The following DNAJC13 variants were observed in gnomAD, a reference collection of about 807,000 sequenced individuals.
DNAJC13 encodes the protein dnaJ homolog subfamily C member 13.
A neutral mutation model predicts 290.5 loss-of-function variants in DNAJC13; 75 were observed. That is an observed-to-expected ratio of 0.26 (90% CI 0.21 to 0.31). DNAJC13 has a LOEUF of 0.31. Among genes scored for constraint, DNAJC13 ranks in the 10% least tolerant of loss-of-function variants. The pLI is 1.00. For missense variants in DNAJC13, 2,260 were observed against 2,674.5 expected, an observed-to-expected ratio of 0.85 and a Z score of 3.42; for synonymous variants, 862 against 892.0, an observed-to-expected ratio of 0.97 and a Z score of 0.60.
intron 20 of DNAJC13, among the ~76,000 whole-genome samples, chr3:132,471,418 T>G (rs1934252095): frequency 2.1e-5 from 3 of 141,070 alleles, no homozygotes; most frequent in East Asian, 2.2e-4. Flanking sequence ...ATGGGGTGGC[T>G]GCCGGGCGGA....
At chr3:132,448,544 T>C (rs1286640955) in intron 5 of DNAJC13, among the ~76,000 whole-genome samples, 2 of 152,168 alleles carry the variant, frequency 1.3e-5, no homozygotes, top group Admixed American at 6.5e-5. Context: ...GTAACCTTTT[T>C]TCACTCTCTT....
intron 1 of DNAJC13, among the ~76,000 whole-genome samples, chr3:132,429,757 G>A (rs958946817): frequency 6.6e-6 from 1 of 152,054 alleles, no homozygotes; most frequent in Non-Finnish European, 1.5e-5. Flanking sequence ...GCTAGTTAGT[G>A]GGGTGTCTCT....
rs116526091 is a variant in DNAJC13, at chr3:132,517,906, A to G, written c.5673+1090A>G. ...ACAGTTTTACTTTAGTAATAAGTTA[A>G]TAGTCTTCTGCAGGGTTGATGAGAC... On this transcript the variant is annotated intron_variant, in intron 48 of 55. Coordinates refer to ENST00000260818, the MANE Select transcript of DNAJC13 (RefSeq NM_015268.4). Among the ~76,000 whole-genome samples, 1,107 of 152,378 alleles carry G rather than the reference A, an allele frequency of 7.3e-3. 17 individuals are homozygous for G. Among genetic ancestry groups the G allele is most frequent in the African/African-American group, 0.026 (1,065 of 41,586 alleles).
At chr3:132,489,048 T>G (rs373600898) in intron 31 of DNAJC13, 27 bp downstream of exon 31, 9 of 1,598,232 alleles carry the variant, frequency 5.6e-6, no homozygotes, top group African/African-American at 1.3e-5. Context: ...CTCTGAATAC[T>G]TAACCCTGGG....
rs1427552006 is a variant in DNAJC13 at position 132,453,626 on chromosome 3, A to T, written c.772A>T (p.Thr258Ser). The part of the protein sequence containing the change: ...SEPVKRVLAL[T>S]ETCLVERDPA... ...GCCTGTTAAAAGAGTTCTAGCACTT[A>T]CAGAAACATGTTTAGTAGAACGTGA... Residue 258 changes from threonine to serine, a missense_variant, in exon 8 of 56, where the codon ACA becomes TCA. Physicochemically the swap from Thr to Ser is moderately conservative, Grantham distance 58 (BLOSUM62 1). Around this residue, in one of 3 missense-constraint regions of DNAJC13, gnomAD observed 762 missense variants for 964.1 expected, o/e 0.79. Coordinates refer to ENST00000260818, the MANE Select transcript of DNAJC13 (RefSeq NM_015268.4). The T allele has an allele frequency of 6.2e-7, 1 of 1,613,310 alleles. No homozygotes were observed. Among genetic ancestry groups the T allele is most frequent in the Non-Finnish European group, 8.5e-7 (1 of 1,179,820 alleles).
intron 51 of DNAJC13, chr3:132,524,086 C>G (rs1198035586): frequency 6.2e-6 from 1 of 162,404 alleles, no homozygotes; most frequent in Non-Finnish European, 1.3e-5. Context: ...CTGCACTCTA[C>G]TTTGTGTATA....
chr3:132,532,302 G>A (rs1283983626), intron 55 of DNAJC13, among the ~76,000 whole-genome samples: 1 of 152,128 alleles, frequency 6.6e-6, no homozygotes, highest in East Asian at 1.9e-4. Context: ...AAAATTAGAG[G>A]CTTTGGAGGA....
intron 2 of DNAJC13, among the ~76,000 whole-genome samples, chr3:132,440,068 G>A (rs1933005666): frequency 6.6e-6 from 1 of 152,176 alleles, no homozygotes; most frequent in African/African-American, 2.4e-5. Context: ...AATCAGCCTG[G>A]CCAACATTGT....
chr3:132,531,979 A>T (rs1404714830), intron 55 of DNAJC13, among the ~76,000 whole-genome samples: 1 of 152,204 alleles, frequency 6.6e-6, no homozygotes, highest in Admixed American at 6.5e-5. Context: ...CACTAATTGC[A>T]TAATTTTAGA....
chr3:132,437,695 A>G (rs558993821), intron 2 of DNAJC13, among the ~76,000 whole-genome samples: 3 of 152,192 alleles, frequency 2.0e-5, no homozygotes, highest in East Asian at 1.9e-4. Flanking sequence ...TGCCAGTACC[A>G]TATTGTCTTG....
At chr3:132,538,151 G>C (rs1559919928) in intron 55 of DNAJC13, 25 bp from the exon 56 acceptor site, 1 of 1,594,476 alleles carries the variant, frequency 6.3e-7, no homozygotes, top group African/African-American at 1.3e-5. Context: ...TTCTAGAGGT[G>C]TGTGTTTACC....
At chr3:132,435,381 C>CA (rs1939359858) in intron 2 of DNAJC13, among the ~76,000 whole-genome samples, 2 of 152,100 alleles carry the variant, frequency 1.3e-5, no homozygotes, top group African/African-American at 4.8e-5. Context: ...TGAATCGTGC[C>CA]ACAAGGTAAA....
chr3:132,476,192 C>T (rs972358332), intron 22 of DNAJC13, among the ~76,000 whole-genome samples: 2 of 152,078 alleles, frequency 1.3e-5, no homozygotes, highest in African/African-American at 4.8e-5. Context: ...TCTCTTGCTT[C>T]GACTTTTAGC....
chr3:132,478,093 A>G lies in DNAJC13; in HGVS notation c.2662A>G (p.Ile888Val), dbSNP rs1368586270. ...AIVYGRCHEE[I>V]GPFTDTRYII... ...TGTTTATGGCAGATGTCACGAAGAA[A>G]TAGGACCTTTTACAGATACCAGATA... is the stretch of plus-strand genomic sequence containing the variant. Residue 888 changes from isoleucine to valine, a missense_variant, in exon 24 of 56, where the codon ATA becomes GTA. By Grantham distance (29) the Ile-to-Val change is conservative (BLOSUM62 3). Around this residue, in one of 3 missense-constraint regions of DNAJC13, gnomAD observed 1,494 missense variants for 1,693.7 expected, o/e 0.88. Transcript: ENST00000260818. 1.2e-6 allele frequency: 2 copies of G among 1,613,490 alleles called. No individual in the cohort carries two copies. Among genetic ancestry groups the G allele is most frequent in the Admixed American group, 3.3e-5 (2 of 59,950 alleles).
chr3:132,434,076 G>A (rs1939310338), intron 1 of DNAJC13, among the ~76,000 whole-genome samples: 1 of 152,206 alleles, frequency 6.6e-6, no homozygotes, highest in Non-Finnish European at 1.5e-5. Flanking sequence ...TGGGCGTGGT[G>A]GCAGGCGTCT....
intron 20 of DNAJC13, among the ~76,000 whole-genome samples, chr3:132,467,700 C>T (rs539799185): frequency 6.6e-5 from 10 of 152,202 alleles, no homozygotes; most frequent in Admixed American, 1.3e-4. Flanking sequence ...CTCCTGACCT[C>T]GTGATCCGCC....
intron 31 of DNAJC13, 142 bp from the exon 32 acceptor site, chr3:132,490,755 A>G: frequency 2.3e-6 from 2 of 875,918 alleles, no homozygotes; most frequent in Non-Finnish European, 3.3e-6. Flanking sequence ...CTGTGTTTCC[A>G]TCTACATTCC....
chr3:132,500,661 C>A, intron 38 of DNAJC13, 133 bp from the exon 39 acceptor site: 1 of 1,214,816 alleles, frequency 8.2e-7, no homozygotes, highest in Non-Finnish European at 1.1e-6. Context: ...TAAAGACATT[C>A]TGTTTAATTT....
In DNAJC13 at chr3:132,523,180, A is replaced by G; in HGVS notation, c.5867A>G (p.Asn1956Ser). ...MLEHFKNQQD[N>S]PEANWKLPED... ...AGGCACTTTAAAAATCAGCAGGACA[A>G]CCCTGAGGCAAACTGGAAGGTAAAA... is the stretch of plus-strand genomic sequence containing the variant. The change falls in exon 50 of 56, where the codon AAC (asparagine) becomes AGC (serine). Residue 1956 changes from asparagine to serine, a missense_variant. Around this residue, in one of 3 missense-constraint regions of DNAJC13, gnomAD observed 1,494 missense variants for 1,693.7 expected, o/e 0.88. Transcript: ENST00000260818. 1 of 1,613,892 alleles carries G rather than the reference A, an allele frequency of 6.2e-7. No homozygotes were observed. The highest frequency in any genetic ancestry group is 1.3e-5 in the African/African-American group (1 of 75,034).
Sources: gnomAD v4.1 joint callset for allele counts (sites outside exome capture counted in the v4.1 genomes callset) on GRCh38, gnomAD v4.1.1 for gene constraint, gnomAD v4.1.1 regional missense constraint, MANE v1.5 for transcripts, NCBI Gene and HGNC (gene_info 2026-07-23, HGNC 2026-07-21) for gene names.